SCN2A: variants seen among roughly 807,000 people sequenced by gnomAD.
The protein encoded by SCN2A is sodium voltage-gated channel alpha subunit 2, also known as sodium channel protein type 2 subunit alpha.
In SCN2A, 20 loss-of-function variants were observed where a neutral mutation model predicts 188.7. The ratio of observed to expected loss-of-function variants is 0.11; its 90% CI spans 0.07 to 0.15. The LOEUF is 0.15. Ranked by LOEUF, SCN2A falls within the 10% of genes least tolerant of loss-of-function variation. SCN2A has a pLI of 1.00. For missense variants in SCN2A, 1,278 were observed against 2,445.0 expected (o/e 0.52, Z 10.07); for synonymous variants, 804 against 833.1 (o/e 0.97, Z 0.60).
At chr2:165,352,750 A>T (rs1052753374) in intron 16 of SCN2A, among the ~76,000 whole-genome samples, 3 of 152,170 alleles carry the variant, frequency 2.0e-5, no homozygotes, top group Non-Finnish European at 4.4e-5. Context: ...TGTGTATGAA[A>T]CTTAAATGAA....
In SCN2A at chr2:165,323,029, C is replaced by T. The variant is rs1698153793; in HGVS notation, c.1672-127C>T. ...CAGTCATCAGAGGGGTGCTTTCTTC[C>T]ACATGTCCAATGACTTATCCTTGAG... On this transcript the variant is annotated intron_variant, in intron 11 of 26. Transcript: ENST00000375437. The T allele has an allele frequency of 1.3e-5, 12 of 901,992 alleles. No homozygotes were observed. The South Asian group carries it at 2.0e-4, about 15-fold the overall frequency. 55.9% of individuals were successfully genotyped at this position (901,992 alleles called of 1,614,324 possible). A position where few individuals can be genotyped will look rare whatever the true frequency, so the allele number is the denominator to read the frequency against.
At chr2:165,269,637 A>G (rs1397124003) in intron 1 of SCN2A, 1 of 152,038 alleles carries the variant, frequency 6.6e-6, no homozygotes, top group African/African-American at 2.4e-5. Context: ...ATGATGCTTT[A>G]TTCTGTTACA....
At chr2:165,249,415 T>C (rs1693996634) in intron 1 of SCN2A, among the ~76,000 whole-genome samples, 1 of 152,132 alleles carries the variant, frequency 6.6e-6, no homozygotes, top group African/African-American at 2.4e-5. Flanking sequence ...CTGTCTAATC[T>C]CTAGTGACCA....
intron 1 of SCN2A, among the ~76,000 whole-genome samples, chr2:165,264,767 C>A (rs1174579422): frequency 6.6e-6 from 1 of 152,050 alleles, no homozygotes; most frequent in Non-Finnish European, 1.5e-5. Context: ...TGGCCTCGTG[C>A]TCCAACCATG....
At chr2:165,257,637 C>T (rs1694387508) in intron 1 of SCN2A, among the ~76,000 whole-genome samples, 1 of 152,096 alleles carries the variant, frequency 6.6e-6, no homozygotes, top group Non-Finnish European at 1.5e-5. Context: ...CTTCCGGGTT[C>T]ACGCCATTCT....
At chr2:165,319,622 T>C (rs922679197) in intron 11 of SCN2A, among the ~76,000 whole-genome samples, 6 of 152,172 alleles carry the variant, frequency 3.9e-5, no homozygotes, top group Admixed American at 1.3e-4. Context: ...CTCACAATCA[T>C]GGCAGAAAGC....
chr2:165,320,029 T>C (rs988680463), intron 11 of SCN2A, among the ~76,000 whole-genome samples: 3 of 152,310 alleles, frequency 2.0e-5, no homozygotes, highest in Non-Finnish European at 4.4e-5. Flanking sequence ...AGGCAAGTCC[T>C]TTCCATCTAT....
intron 1 of SCN2A, among the ~76,000 whole-genome samples, chr2:165,250,647 A>G (rs7591425): frequency 0.18 from 27,666 of 151,912 alleles, 3,258 homozygotes; most frequent in Non-Finnish European, 0.25. Flanking sequence ...GAACATGTAC[A>G]CACACATATA....
chr2:165,267,462 A>T (rs1270944506), intron 1 of SCN2A: 72 of 151,974 alleles, frequency 4.7e-4, no homozygotes, highest in Non-Finnish European at 2.9e-5. Context: ...ATGAAATTGG[A>T]CCCTTATCTC....
rs3030660 is a variant in SCN2A, at chr2:165,375,368, AGTGTGT to A, written c.4254+421_4254+426del. Among the ~76,000 whole-genome samples the A allele has an allele frequency of 3.1e-3, 463 of 149,818 alleles. 2 individuals carry two copies. Among genetic ancestry groups the A allele is most frequent in the African/African-American group, 8.6e-3 (352 of 40,832 alleles). ...ATCAACAGATATGTGGATAAAGAAA[AGTGTGT>A]GTGTGTGTGTGTGTGTGTACATATA... On this transcript the variant is annotated intron_variant, in intron 22 of 26. Transcript: ENST00000375437.
At chr2:165,289,692 T>C (rs544723537) in intron 1 of SCN2A, among the ~76,000 whole-genome samples, 3 of 152,288 alleles carry the variant, frequency 2.0e-5, no homozygotes, top group African/African-American at 7.2e-5. Context: ...AAACAGACTA[T>C]AATTCTTTAC....
chr2:165,319,152 C>T (rs1056660481), intron 11 of SCN2A, among the ~76,000 whole-genome samples: 30 of 151,916 alleles, frequency 2.0e-4, no homozygotes, highest in African/African-American at 6.3e-4. Flanking sequence ...CTGGCTAACA[C>T]GGTGAAACCC....
chr2:165,351,736 T>C (rs1699928604), intron 16 of SCN2A, among the ~76,000 whole-genome samples: 1 of 152,186 alleles, frequency 6.6e-6, no homozygotes, highest in South Asian at 2.1e-4. Flanking sequence ...TAACTGGTAT[T>C]TACTAAGAGC....
chr2:165,355,818 G>A (rs2105339657), intron 17 of SCN2A, among the ~76,000 whole-genome samples: 1 of 152,154 alleles, frequency 6.6e-6, no homozygotes, highest in East Asian at 1.9e-4. Flanking sequence ...CCAACATGGT[G>A]AAACCCTGTC....
In SCN2A at chr2:165,365,129, G is replaced by C; in HGVS notation, c.3400-14G>C. The C allele has an allele frequency of 6.2e-7, 1 of 1,610,444 alleles. No homozygotes were observed. Among genetic ancestry groups the C allele is most frequent in the Non-Finnish European group, 8.5e-7 (1 of 1,177,396 alleles). On this transcript the variant is annotated splice_polypyrimidine_tract_variant and intron_variant, in intron 17 of 26. Transcript: ENST00000375437. ...AAATAATTAAATGTGTTTTTTTGTGGGATTGATTTTCAGAAGCTAAATGCA... is the reference window on the plus strand; with the variant it reads ...AAATAATTAAATGTGTTTTTTTGTGCGATTGATTTTCAGAAGCTAAATGCA...
intron 15 of SCN2A, 80 bp from the exon 16 acceptor site, chr2:165,344,474 AT>A (rs1388268076): frequency 2.3e-6 from 2 of 875,964 alleles, no homozygotes; most frequent in African/African-American, 3.5e-5. Flanking sequence ...AAAATAAAAA[AT>A]AAAAAAATAA....
intron 1 of SCN2A, among the ~76,000 whole-genome samples, chr2:165,255,567 C>G (rs1694277516): frequency 6.6e-6 from 1 of 151,974 alleles, no homozygotes; most frequent in Non-Finnish European, 1.5e-5. Flanking sequence ...ACTCCATATC[C>G]TAACAATTAT....
chr2:165,265,516 T>TATATATATATATATATATA (rs71028476), intron 1 of SCN2A, among the ~76,000 whole-genome samples: 3 of 122,822 alleles, frequency 2.4e-5, no homozygotes, highest in Non-Finnish European at 5.2e-5. Context: ...TATATATATA[T>TATATATATATATATATATA]TGCTGTGCAG....
intron 2 of SCN2A, chr2:165,296,602 G>T (rs924113682): frequency 1.3e-4 from 24 of 183,048 alleles, no homozygotes; most frequent in Non-Finnish European, 9.1e-5. Context: ...AATAATAGCA[G>T]GTGACTTGTA....
Sources: gnomAD v4.1 joint callset for allele counts (sites outside exome capture counted in the v4.1 genomes callset) on GRCh38, gnomAD v4.1.1 for gene constraint, MANE v1.5 for transcripts, NCBI Gene and HGNC (gene_info 2026-07-23, HGNC 2026-07-21) for gene names.